DLG2: variants seen among roughly 807,000 people sequenced by gnomAD.
The protein encoded by DLG2 is disks large homolog 2.
DLG2 carries 45 observed loss-of-function variants against 132.5 expected under a neutral mutation model. That is an observed-to-expected ratio of 0.34 (90% CI 0.27 to 0.44). DLG2 has a LOEUF of 0.44. Among genes scored for constraint, DLG2 ranks in the 20% least tolerant of loss-of-function variants. The pLI is 1.00. For synonymous variants in DLG2, 424 were observed against 419.6 expected (o/e 1.01, Z -0.13); for missense variants, 1,045 against 1,196.9 (o/e 0.87, Z 1.87).
chr11:84,183,619 A>G (rs1268610161), intron 8 of DLG2, among the ~76,000 whole-genome samples: 1 of 152,172 alleles, frequency 6.6e-6, no homozygotes, highest in East Asian at 1.9e-4. Context: ...GTACATGTGC[A>G]CAATGTGCAG....
intron 6 of DLG2, among the ~76,000 whole-genome samples, chr11:84,819,076 T>C (rs12275972): frequency 1.2e-4 from 15 of 129,516 alleles, no homozygotes; most frequent in Admixed American, 1.5e-4. Flanking sequence ...CACTCACAAA[T>C]ACACACACAC....
rs545843104 is a variant in DLG2 at position 85,405,737 on chromosome 11, T to C, written c.41-120372A>G. Among the ~76,000 whole-genome samples the C allele has an allele frequency of 2.0e-5, 3 of 152,116 alleles. No individual in the cohort carries two copies. The South Asian group carries it at 6.2e-4, about 31-fold the overall frequency. On this transcript the variant is annotated intron_variant, in intron 3 of 27. Coordinates refer to ENST00000376104, the MANE Select transcript of DLG2 (RefSeq NM_001142699.3). Reference sequence around the variant, plus strand: ...GTAGTAGGTTCTAACACAATTTACCTAAATCCACAGCCCATGTTCTTCACC... The same window carrying C: ...GTAGTAGGTTCTAACACAATTTACCCAAATCCACAGCCCATGTTCTTCACC...
chr11:83,606,884 G>A (rs895825726), intron 19 of DLG2, among the ~76,000 whole-genome samples: 7 of 152,000 alleles, frequency 4.6e-5, no homozygotes, highest in African/African-American at 7.3e-5. Context: ...CAGAGATCGC[G>A]CCACTGCACT....
At chr11:85,159,195 C>A (rs984882965) in intron 4 of DLG2, among the ~76,000 whole-genome samples, 2 of 152,128 alleles carry the variant, frequency 1.3e-5, no homozygotes, top group Non-Finnish European at 2.9e-5. Context: ...CATTGTGGTC[C>A]TCCAGTTAAA....
intron 18 of DLG2, chr11:83,682,341 C>T: frequency 1.0e-6 from 1 of 985,406 alleles, no homozygotes; most frequent in Non-Finnish European, 1.2e-6. Flanking sequence ...CCTAGATTCT[C>T]ATATTTTACA....
At chr11:84,929,260 C>T (rs990763514) in intron 6 of DLG2, among the ~76,000 whole-genome samples, 2 of 151,346 alleles carry the variant, frequency 1.3e-5, no homozygotes, top group Non-Finnish European at 3.0e-5. Context: ...TTTCTCAAGA[C>T]CCCAGTGCCT....
At chr11:84,021,164 T>C (rs2095378616) in intron 11 of DLG2, among the ~76,000 whole-genome samples, 1 of 152,204 alleles carries the variant, frequency 6.6e-6, no homozygotes, top group Non-Finnish European at 1.5e-5. Flanking sequence ...CTTTATATAC[T>C]ATTACATTAC....
chr11:84,490,876 T>G (rs2099163199), intron 7 of DLG2, among the ~76,000 whole-genome samples: 1 of 145,244 alleles, frequency 6.9e-6, no homozygotes, highest in African/African-American at 2.8e-5. Flanking sequence ...CTAACAGATC[T>G]GAATGGTTGC....
At chr11:85,508,251 T>TA (rs2093979656) in intron 3 of DLG2, among the ~76,000 whole-genome samples, 1 of 152,138 alleles carries the variant, frequency 6.6e-6, no homozygotes, top group Non-Finnish European at 1.5e-5. Flanking sequence ...ACAGAGGATC[T>TA]TTTTAAACAC....
chr11:84,344,994 T>C (rs2098533043), intron 7 of DLG2, among the ~76,000 whole-genome samples: 1 of 152,230 alleles, frequency 6.6e-6, no homozygotes, highest in Non-Finnish European at 1.5e-5. Context: ...ATTATATTAC[T>C]TTTTAATCCT....
At position 83,697,823 on chromosome 11, in the gene DLG2, G is replaced by A. The variant is rs147170284; in HGVS notation, c.1826-64498C>T. On this transcript the variant is annotated intron_variant, in intron 18 of 27. Coordinates refer to ENST00000376104, the MANE Select transcript of DLG2 (RefSeq NM_001142699.3). Reference sequence around the variant, plus strand: ...ACATTGTGATATTTTTTCAAGAACAGAGAGGCCCAGAATATTGAGATACCA... The same window carrying A: ...ACATTGTGATATTTTTTCAAGAACAAAGAGGCCCAGAATATTGAGATACCA... 2.0e-3 allele frequency among the ~76,000 whole-genome samples: 309 copies of A among 152,298 alleles called. 1 individual carries two copies. The highest frequency in any genetic ancestry group is 7.0e-3 in the African/African-American group (289 of 41,562).
At chr11:84,843,449 C>A (rs1176170917) in intron 6 of DLG2, among the ~76,000 whole-genome samples, 1 of 151,672 alleles carries the variant, frequency 6.6e-6, no homozygotes, top group East Asian at 1.9e-4. Flanking sequence ...AACATATTCC[C>A]CAGAATGTAC....
intron 3 of DLG2, among the ~76,000 whole-genome samples, chr11:85,343,120 T>A (rs1380818026): frequency 6.6e-6 from 1 of 152,204 alleles, no homozygotes; most frequent in Non-Finnish European, 1.5e-5. Context: ...GCCCTAACTG[T>A]CTCAAAAATG....
intron 8 of DLG2, among the ~76,000 whole-genome samples, chr11:84,238,408 G>A (rs992453325): frequency 3.9e-5 from 6 of 152,012 alleles, no homozygotes; most frequent in Non-Finnish European, 8.8e-5. Context: ...CCAGCTACTT[G>A]TGAGGCTGAA....
chr11:84,705,673 A>G (rs1036661475), intron 6 of DLG2, among the ~76,000 whole-genome samples: 1 of 151,734 alleles, frequency 6.6e-6, no homozygotes, highest in African/African-American at 2.4e-5. Context: ...TTGGTGACCA[A>G]GCGATTCATT....
At chr11:83,879,359 ATCT>A (rs1199751155) in intron 15 of DLG2, among the ~76,000 whole-genome samples, 1 of 152,172 alleles carries the variant, frequency 6.6e-6, no homozygotes, top group Non-Finnish European at 1.5e-5. Flanking sequence ...TCATTAACAT[ATCT>A]TCTTATGGAT....
At chr11:85,608,660 C>A (rs1240335023) in intron 2 of DLG2, among the ~76,000 whole-genome samples, 2 of 152,076 alleles carry the variant, frequency 1.3e-5, no homozygotes, top group Non-Finnish European at 2.9e-5. Flanking sequence ...CCACAAAACC[C>A]CCCAGGCTGT....
At chr11:83,960,580 G>A (rs1401946156) in intron 14 of DLG2, among the ~76,000 whole-genome samples, 1 of 151,726 alleles carries the variant, frequency 6.6e-6, no homozygotes, top group Non-Finnish European at 1.5e-5. Flanking sequence ...AAAACTTCAT[G>A]GAGGGGGTTC....
chr11:84,394,476 C>CCACT, intron 7 of DLG2, among the ~76,000 whole-genome samples: 1 of 151,974 alleles, frequency 6.6e-6, no homozygotes, highest in African/African-American at 2.4e-5. Flanking sequence ...AGCCACCTTA[C>CCACT]CACTCTTCTA....
Sources: gnomAD v4.1 joint callset for allele counts (sites outside exome capture counted in the v4.1 genomes callset) on GRCh38, gnomAD v4.1.1 for gene constraint, MANE v1.5 for transcripts, NCBI Gene and HGNC (gene_info 2026-07-23, HGNC 2026-07-21) for gene names.